The following SNAP25 variants were observed in gnomAD, a reference collection of about 807,000 sequenced individuals.
The protein encoded by SNAP25 is synaptosome associated protein 25.
In SNAP25, 3 loss-of-function variants were observed where a neutral mutation model predicts 28.7. The observed-to-expected ratio is 0.10, with a 90% CI of 0.05 to 0.27. The LOEUF (loss-of-function observed/expected upper bound fraction) is 0.27. Ranked by LOEUF, SNAP25 falls within the 10% of genes least tolerant of loss-of-function variation. The probability of loss-of-function intolerance (pLI) is 1.00; values close to 1 mark genes in which losing one functional copy is unlikely to be tolerated. For synonymous variants in SNAP25, 61 were observed against 88.1 expected (o/e 0.69, Z 1.72); for missense variants, 117 against 278.7 (o/e 0.42, Z 4.13).
At chr20:10,277,017 C>T (rs2063703009) in intron 2 of SNAP25, among the ~76,000 whole-genome samples, 1 of 152,222 alleles carries the variant, frequency 6.6e-6, no homozygotes, top group South Asian at 2.1e-4. Context: ...TGAGAAATCA[C>T]ACTGGTTGTT....
intron 5 of SNAP25, among the ~76,000 whole-genome samples, chr20:10,294,146 A>G (rs921645684): frequency 6.6e-6 from 1 of 152,156 alleles, no homozygotes; most frequent in East Asian, 1.9e-4. Flanking sequence ...TTGGAAAATT[A>G]AACTCCTTAT....
chr20:10,259,528 CT>C (rs964729264), intron 1 of SNAP25, among the ~76,000 whole-genome samples: 1 of 150,668 alleles, frequency 6.6e-6, no homozygotes, highest in Admixed American at 6.7e-5. Context: ...CTAATCAGGA[CT>C]TTTTTTATTT....
At chr20:10,282,458 C>T (rs533455753) in intron 3 of SNAP25, among the ~76,000 whole-genome samples, 1 of 152,304 alleles carries the variant, frequency 6.6e-6, no homozygotes, top group African/African-American at 2.4e-5. Context: ...CAAACTGGGG[C>T]AACCTAAAAA....
At chr20:10,277,761 A>T in intron 3 of SNAP25, 35 bp downstream of exon 3, 1 of 1,586,944 alleles carries the variant, frequency 6.3e-7, no homozygotes, top group Non-Finnish European at 8.7e-7. Flanking sequence ...TAAAGGAACA[A>T]ATCCCTTATG....
intron 3 of SNAP25, among the ~76,000 whole-genome samples, chr20:10,279,061 C>T (rs1035928144): frequency 6.6e-6 from 1 of 152,212 alleles, no homozygotes; most frequent in Non-Finnish European, 1.5e-5. Flanking sequence ...TATAGGGAAG[C>T]AGCGTTCTGT....
intron 3 of SNAP25, among the ~76,000 whole-genome samples, chr20:10,281,874 C>T (rs2063783628): frequency 6.6e-6 from 1 of 152,152 alleles, no homozygotes; most frequent in Non-Finnish European, 1.5e-5. Context: ...TCATTTTACT[C>T]TCATAACTAC....
intron 1 of SNAP25, among the ~76,000 whole-genome samples, chr20:10,220,502 C>G (rs2062608718): frequency 6.6e-6 from 1 of 152,194 alleles, no homozygotes; most frequent in African/African-American, 2.4e-5. Flanking sequence ...GAACTTAACT[C>G]TGACCTAAAG....
intron 1 of SNAP25, among the ~76,000 whole-genome samples, chr20:10,232,938 AT>A (rs1360160383): frequency 1.3e-5 from 2 of 152,054 alleles, no homozygotes; most frequent in African/African-American, 4.8e-5. Flanking sequence ...TGATCCCTTT[AT>A]TTTTCAACAA....
chr20:10,236,011 G>A (rs2062913260), intron 1 of SNAP25, among the ~76,000 whole-genome samples: 1 of 152,184 alleles, frequency 6.6e-6, no homozygotes, highest in Non-Finnish European at 1.5e-5. Context: ...ATTTTGGGAG[G>A]GGAATTATGC....
chr20:10,263,418 A>G (rs540863058), intron 1 of SNAP25, among the ~76,000 whole-genome samples: 1 of 152,266 alleles, frequency 6.6e-6, no homozygotes, highest in South Asian at 2.1e-4. Context: ...AATAACATTG[A>G]CTACTGAAGG....
intron 1 of SNAP25, among the ~76,000 whole-genome samples, chr20:10,267,812 A>G (rs2122946638): frequency 6.6e-6 from 1 of 152,280 alleles, no homozygotes; most frequent in Non-Finnish European, 1.5e-5. Context: ...GGCCTCCCAA[A>G]GTGCTGGGAT....
At chr20:10,302,251 T>C (rs2064258657) in intron 7 of SNAP25, among the ~76,000 whole-genome samples, 2 of 152,010 alleles carry the variant, frequency 1.3e-5, no homozygotes, top group African/African-American at 4.8e-5. Context: ...AATATATAAA[T>C]AAAAATAAAG....
At chr20:10,281,147 G>T (rs2063772245) in intron 3 of SNAP25, among the ~76,000 whole-genome samples, 1 of 152,140 alleles carries the variant, frequency 6.6e-6, no homozygotes, top group Non-Finnish European at 1.5e-5. Flanking sequence ...GTAATCCTTT[G>T]TATCTTCAAC....
In SNAP25 at chr20:10,275,582, G is replaced by A; in HGVS notation, c.72+19G>A. 1 of 1,578,318 alleles carries A rather than the reference G, an allele frequency of 6.3e-7. No homozygotes were observed. Among genetic ancestry groups the A allele is most frequent in the Non-Finnish European group, 8.6e-7 (1 of 1,159,200 alleles). ...TGATGAGGTAAGGAGTGGAGACCTA[G>A]GAAGGGAGGCAAAAGATGAAGGCCT... On this transcript the variant is annotated intron_variant, in intron 2 of 7. Transcript: ENST00000254976.
At chr20:10,227,809 A>T (rs1174488642) in intron 1 of SNAP25, among the ~76,000 whole-genome samples, 1 of 152,178 alleles carries the variant, frequency 6.6e-6, no homozygotes, top group Admixed American at 6.5e-5. Context: ...TGAAAAGGAT[A>T]TTTCATACAT....
intron 1 of SNAP25, among the ~76,000 whole-genome samples, chr20:10,224,078 T>G (rs972336727): frequency 7.9e-5 from 12 of 152,090 alleles, no homozygotes; most frequent in Non-Finnish European, 1.8e-4. Flanking sequence ...ATTATTTCCA[T>G]TTCGCAGATG....
At chr20:10,221,674 T>G (rs2062637150) in intron 1 of SNAP25, among the ~76,000 whole-genome samples, 2 of 152,378 alleles carry the variant, frequency 1.3e-5, no homozygotes, top group African/African-American at 4.8e-5. Flanking sequence ...TTTACTTTGT[T>G]AAACACGCAC....
rs2064049777 is a variant in SNAP25 at position 10,293,855 on chromosome 20, C to G, written c.281+577C>G. On this transcript the variant is annotated intron_variant, in intron 5 of 7. Transcript: ENST00000254976. This position sits in a 1 kb window ranked among gnomAD's most constrained non-coding sequence, Gnocchi z 5.6. ...AGCTCTTCAGCAAGAAGTGCTCAAG[C>G]CTTACTCAAATTGGACCCATCCCTC... 6.6e-6 allele frequency among the ~76,000 whole-genome samples: 1 copy of G among 152,180 alleles called. No individual in the cohort carries two copies. The highest frequency in any genetic ancestry group is 1.5e-5 in the Non-Finnish European group (1 of 68,032).
rs1451222496 is a variant in SNAP25, at chr20:10,293,947, A to T, written c.281+669A>T. ...AAATGTTGAAATGTGTAGATTTTGCATGCACAACATCACAAAACATTCAAC... is the reference window on the plus strand; with the variant it reads ...AAATGTTGAAATGTGTAGATTTTGCTTGCACAACATCACAAAACATTCAAC... On this transcript the variant is annotated intron_variant, in intron 5 of 7. Coordinates refer to ENST00000254976, the MANE Select transcript of SNAP25 (RefSeq NM_130811.4). The surrounding 1 kb of genome is among the most constrained non-coding windows in gnomAD (Gnocchi z 5.6). 6.6e-6 allele frequency among the ~76,000 whole-genome samples: 1 copy of T among 151,450 alleles called. No individual in the cohort carries two copies. The highest frequency in any genetic ancestry group is 1.5e-5 in the Non-Finnish European group (1 of 67,756).
Sources: gnomAD v4.1 joint callset for allele counts (sites outside exome capture counted in the v4.1 genomes callset) on GRCh38, gnomAD v4.1.1 for gene constraint, Gnocchi (gnomAD v3.1) non-coding constraint, MANE v1.5 for transcripts, NCBI Gene and HGNC (gene_info 2026-07-23, HGNC 2026-07-21) for gene names.